The following EXO1 variants were observed in gnomAD, a reference collection of about 807,000 sequenced individuals.
EXO1 encodes the protein exonuclease 1.
Under a neutral mutation model 84.5 loss-of-function variants are expected in EXO1, and 69 were observed. The observed-to-expected ratio is 0.82, with a 90% CI of 0.67 to 1.00. EXO1 has a LOEUF of 1.00. Ranked by LOEUF, EXO1 falls within the 50% of genes least tolerant of loss-of-function variation. EXO1 has a pLI of 0.00. For missense variants in EXO1, 1,045 were observed against 1,000.7 expected, an observed-to-expected ratio of 1.04 and a Z score of -0.60; for synonymous variants, 373 against 366.1, an observed-to-expected ratio of 1.02 and a Z score of -0.21.
intron 6 of EXO1, among the ~76,000 whole-genome samples, chr1:241,854,939 G>A (rs4149878): frequency 0.08 from 12,192 of 152,044 alleles, 730 homozygotes; most frequent in Admixed American, 0.2. Context: ...TTAAGGCAGC[G>A]CGTCTGGAGT....
chr1:241,854,591 G>A (rs1282733924), intron 6 of EXO1: 1 of 152,444 alleles, frequency 6.6e-6, no homozygotes, highest in East Asian at 1.9e-4. Flanking sequence ...AGAAGGAAAC[G>A]ATGCGATGCA....
At chr1:241,849,764 A>G (rs983679684) in intron 3 of EXO1, among the ~76,000 whole-genome samples, 10 of 152,236 alleles carry the variant, frequency 6.6e-5, no homozygotes, top group Non-Finnish European at 1.3e-4. Context: ...TTGTAGAGGC[A>G]ATGCGATGCC....
At chr1:241,887,522 C>T (rs1450887039) in intron 15 of EXO1, among the ~76,000 whole-genome samples, 3 of 152,152 alleles carry the variant, frequency 2.0e-5, no homozygotes, top group Admixed American at 6.5e-5. Flanking sequence ...GTGGCAGATA[C>T]GTTTTCCAAA....
At chr1:241,881,121 G>A (rs1453829156) in intron 13 of EXO1, among the ~76,000 whole-genome samples, 2 of 151,926 alleles carry the variant, frequency 1.3e-5, no homozygotes, top group Non-Finnish European at 2.9e-5. Flanking sequence ...TCCACCTCCC[G>A]GGTTCAAGCG....
intron 7 of EXO1, among the ~76,000 whole-genome samples, chr1:241,858,237 A>G (rs76261803): frequency 6.6e-6 from 1 of 152,252 alleles, no homozygotes; most frequent in Non-Finnish European, 1.5e-5. Flanking sequence ...ACCCTGTAAC[A>G]CAAGTAGGAA....
intron 9 of EXO1, 95 bp downstream of exon 9, chr1:241,860,799 C>G (rs1661339209): frequency 7.0e-6 from 7 of 997,252 alleles, no homozygotes; most frequent in African/African-American, 1.6e-5. Context: ...AAAGCTTGCA[C>G]ATTATTTTTT....
intron 6 of EXO1, among the ~76,000 whole-genome samples, chr1:241,856,429 T>C (rs1488755360): frequency 6.6e-6 from 1 of 152,070 alleles, no homozygotes; most frequent in Non-Finnish European, 1.5e-5. Context: ...TTTCTCATAA[T>C]GCATTGGTTT....
chr1:241,872,051 C>T lies in EXO1; in HGVS notation c.1287C>T (p.Asp429=). ...RPRSAELSED[D]LLSQYSLSFT... Reference sequence around the variant, plus strand: ...ATTTAGCAGAGCTGTCAGAAGATGACCTGTTGAGTCAGTATTCTCTTTCAT... The same window carrying T: ...ATTTAGCAGAGCTGTCAGAAGATGATCTGTTGAGTCAGTATTCTCTTTCAT... Residue 429 remains aspartate, a synonymous_variant, in exon 12 of 16, where the codon GAC becomes GAT. Coordinates refer to ENST00000366548, the MANE Select transcript of EXO1 (RefSeq NM_130398.4). 1 of 1,612,726 alleles carries T rather than the reference C, an allele frequency of 6.2e-7. No homozygotes were observed. The highest frequency in any genetic ancestry group is 8.5e-7 in the Non-Finnish European group (1 of 1,179,032).
chr1:241,889,319 T>G (rs4150018), intron 15 of EXO1, 146 bp from the exon 16 acceptor site: 294,535 of 710,212 alleles, frequency 0.41, 62,119 homozygotes, highest in Admixed American at 0.5. Flanking sequence ...CAGGAGAACC[T>G]GATTGTGTTA....
Position 241,885,430 on chromosome 1 carries a change from A to G in EXO1, c.2328A>G (p.Arg776=). The change falls in exon 15 of 16, where the codon AGA becomes AGG. Residue 776 remains arginine, a synonymous_variant. Coordinates refer to ENST00000366548, the MANE Select transcript of EXO1 (RefSeq NM_130398.4). ...AGAAGCCGGCAAGCATCCAGAAGAG[A>G]AAGCATCATAATGCCGAGAACAAGC... ...LSKKPASIQK[R]KHHNAENKPG... 6.2e-7 allele frequency: 1 copy of G among 1,613,924 alleles called. No individual in the cohort carries two copies. Among genetic ancestry groups the G allele is most frequent in the Non-Finnish European group, 8.5e-7 (1 of 1,179,894 alleles).
At chr1:241,887,762 C>T (rs4150010) in intron 15 of EXO1, among the ~76,000 whole-genome samples, 2 of 152,104 alleles carry the variant, frequency 1.3e-5, no homozygotes, top group African/African-American at 2.4e-5. Context: ...TCTCAGCCTC[C>T]TAAGTAGGTG....
intron 15 of EXO1, among the ~76,000 whole-genome samples, chr1:241,885,952 C>T (rs1663049653): frequency 6.6e-6 from 1 of 151,736 alleles, no homozygotes; most frequent in Non-Finnish European, 1.5e-5. Context: ...CACCTGGGCT[C>T]AAGCAATTCT....
chr1:241,879,111 C>T lies in EXO1; in HGVS notation c.1877C>T (p.Pro626Leu), dbSNP rs1662582865. 4 of 1,613,748 alleles carry T rather than the reference C, an allele frequency of 2.5e-6. No individual in the cohort carries two copies. Among genetic ancestry groups the T allele is most frequent in the East Asian group, 2.2e-5 (1 of 44,868 alleles). ...GDFSRTPSPS[P>L]STALQQFRRK... ...TTTTCAAGAACGCCGAGCCCCTCTC[C>T]AAGCACAGCATTGCAGCAGTTCCGA... The change falls in exon 13 of 16, where the codon CCA becomes CTA. Residue 626 changes from proline to leucine, a missense_variant. By Grantham distance (98) the Pro-to-Leu change is moderately conservative (BLOSUM62 -3). Coordinates refer to ENST00000366548, the MANE Select transcript of EXO1 (RefSeq NM_130398.4).
At chr1:241,850,652 C>A in intron 4 of EXO1, 66 bp downstream of exon 4, 1 of 1,315,092 alleles carries the variant, frequency 7.6e-7, no homozygotes, top group Non-Finnish European at 1.1e-6. Context: ...CTTTTTTTCT[C>A]CCCCAGAAAC....
intron 4 of EXO1, 117 bp from the exon 5 acceptor site, chr1:241,852,175 T>C (rs1660707334): frequency 2.1e-6 from 2 of 934,134 alleles, no homozygotes; most frequent in South Asian, 2.9e-5. Flanking sequence ...AACATCTGCT[T>C]AAAATAACAA....
chr1:241,882,269 G>T lies in EXO1; in HGVS notation c.2211+252G>T, dbSNP rs955724654. 2.0e-5 allele frequency among the ~76,000 whole-genome samples: 3 copies of T among 152,114 alleles called. No homozygotes were observed. The East Asian group carries it at 5.8e-4, about 29-fold the overall frequency. On this transcript the variant is annotated intron_variant, in intron 14 of 15. Transcript: ENST00000366548. ...TGTAATGACTTTATAATATGCAGTT[G>T]TATAGGTTTGGTCAATCCCCTTATT...
chr1:241,864,710 A>G (rs1190959935), intron 10 of EXO1, among the ~76,000 whole-genome samples: 2 of 152,032 alleles, frequency 1.3e-5, no homozygotes, highest in Admixed American at 1.3e-4. Flanking sequence ...TCTTCCATCT[A>G]TGTTCTATCT....
At position 241,858,601 on chromosome 1, in the gene EXO1, G is replaced by C; in HGVS notation, c.639G>C (p.Glu213Asp). 1.9e-6 allele frequency: 3 copies of C among 1,614,092 alleles called. No individual in the cohort carries two copies. Among genetic ancestry groups the C allele is most frequent in the Admixed American group, 1.7e-5 (1 of 60,026 alleles). ...AGCTTGGGGATGTATTCACGGAAGA[G>C]AAGTTTCGTTACATGTGTATTCTTT... ...CRQLGDVFTE[E>D]KFRYMCILSG... is the part of the protein sequence containing the mutation. The change falls in exon 8 of 16, where the codon GAG (glutamate) becomes GAC (aspartate). Residue 213 changes from glutamate to aspartate, a missense_variant. By Grantham distance (45) the Glu-to-Asp change is conservative (BLOSUM62 2). Coordinates refer to ENST00000366548, the MANE Select transcript of EXO1 (RefSeq NM_130398.4).
At chr1:241,851,096 C>T (rs892486773) in intron 4 of EXO1, among the ~76,000 whole-genome samples, 14 of 152,154 alleles carry the variant, frequency 9.2e-5, no homozygotes, top group African/African-American at 2.9e-4. Context: ...TCCCAAAGTG[C>T]TGAGATTACA....
Sources: gnomAD v4.1 joint callset for allele counts (sites outside exome capture counted in the v4.1 genomes callset) on GRCh38, gnomAD v4.1.1 for gene constraint, MANE v1.5 for transcripts, NCBI Gene and HGNC (gene_info 2026-07-23, HGNC 2026-07-21) for gene names.